Variants in DPPA3 observed in about 807,000 individuals in gnomAD.
The protein encoded by DPPA3 is developmental pluripotency-associated protein 3.
DPPA3 carries 9 observed loss-of-function variants against 15.6 expected under a neutral mutation model. That is an observed-to-expected ratio of 0.58 (90% CI 0.35 to 1.01). The LOEUF (loss-of-function observed/expected upper bound fraction) is 1.01. Among genes scored for constraint, DPPA3 ranks in the 50% least tolerant of loss-of-function variants. The probability of loss-of-function intolerance (pLI) is 0.02; values close to 1 mark genes in which losing one functional copy is unlikely to be tolerated. For missense variants in DPPA3, 148 were observed against 194.6 expected, an observed-to-expected ratio of 0.76 and a Z score of 1.42; for synonymous variants, 61 against 70.9, an observed-to-expected ratio of 0.86 and a Z score of 0.70.
intron 1 of DPPA3, 68 bp downstream of exon 1, chr12:7,711,720 CTTTT>C (rs3069565): frequency 0.019 from 6,578 of 338,550 alleles, 43 homozygotes; most frequent in South Asian, 0.055. Context: ...AGGCTGCCGT[CTTTT>C]TTTTTTTTTT....
chr12:7,716,096 C>T, intron 2 of DPPA3, 102 bp from the exon 3 acceptor site: 2 of 1,035,988 alleles, frequency 1.9e-6, no homozygotes, highest in Non-Finnish European at 2.8e-6. Context: ...GAGAAAGACC[C>T]TGTCTCAACA....
At chr12:7,714,054 C>T (rs1864372328) in intron 1 of DPPA3, among the ~76,000 whole-genome samples, 1 of 145,820 alleles carries the variant, frequency 6.9e-6, no homozygotes, top group Admixed American at 6.8e-5. Context: ...CGGTGAAACC[C>T]CTTCTCTACT....
intron 1 of DPPA3, 32 bp downstream of exon 1, chr12:7,711,684 G>T: frequency 7.3e-7 from 1 of 1,363,988 alleles, no homozygotes; most frequent in South Asian, 1.2e-5. Flanking sequence ...TTGACTATCT[G>T]ACTATAGGGG....
intron 1 of DPPA3, among the ~76,000 whole-genome samples, chr12:7,713,860 C>T (rs1266265861): frequency 6.6e-6 from 1 of 152,198 alleles, no homozygotes; most frequent in Non-Finnish European, 1.5e-5. Context: ...GTGAACAAAG[C>T]TAGCTCAGGG....
At chr12:7,716,832 T>C in intron 3 of DPPA3, 135 bp from the exon 4 acceptor site, 2 of 787,764 alleles carry the variant, frequency 2.5e-6, no homozygotes, top group Non-Finnish European at 4.2e-6. Context: ...TGTTTTGCTT[T>C]TGGCCCGTGT....
Position 7,712,012 on chromosome 12 carries a change from T to C in DPPA3, c.82+360T>C, listed in dbSNP as rs1864351474. 2.0e-5 allele frequency among the ~76,000 whole-genome samples: 3 copies of C among 146,366 alleles called. No homozygotes were observed. In the South Asian group the frequency reaches 6.6e-4, roughly 32 times the overall value. ...CTCACTCCAAGTTCCGCCTCCTGGG[T>C]TCACGCCATTCTCCTGCCTCAGCCT... is the stretch of plus-strand genomic sequence containing the variant. On this transcript the variant is annotated intron_variant, in intron 1 of 3. Transcript: ENST00000345088.
chr12:7,711,720 C>CTTTTT lies in DPPA3; in HGVS notation c.82+93_82+97dup, dbSNP rs3069565. On this transcript the variant is annotated intron_variant, in intron 1 of 3. Transcript: ENST00000345088. ...GGTTGGGAGGTCAAAAGGCTGCCGT[C>CTTTTT]TTTTTTTTTTTTTTTTTTTTTTTTT... is the stretch of plus-strand genomic sequence containing the variant. 7.0e-5 allele frequency: 24 copies of CTTTTT among 340,694 alleles called. 1 individual carries two copies. Among genetic ancestry groups the CTTTTT allele is most frequent in the African/African-American group, 7.0e-4 (16 of 22,830 alleles). 21.1% of individuals were successfully genotyped at this position (340,694 alleles called of 1,614,324 possible).
chr12:7,714,090 C>T lies in DPPA3; in HGVS notation c.83-1093C>T, dbSNP rs184996894. The stretch of plus-strand genomic sequence containing the variant: ...AAAAAATAGAAAAAAATTAGCCGGG[C>T]ATGGTGGTGGGCGCCTGTAGTCCCA... On this transcript the variant is annotated intron_variant, in intron 1 of 3. Transcript: ENST00000345088. Among the ~76,000 whole-genome samples the T allele has an allele frequency of 7.2e-5, 11 of 151,790 alleles. No homozygotes were observed. In the East Asian group the frequency reaches 2.1e-3, roughly 30 times the overall value.
rs964631129 is a variant in DPPA3 at position 7,717,415 on chromosome 12, G to A, written c.*338G>A. 6.2e-5 allele frequency: 12 copies of A among 194,794 alleles called. No individual in the cohort carries two copies. Among genetic ancestry groups the A allele is most frequent in the Admixed American group, 5.2e-4 (9 of 17,266 alleles). The allele number at this position is 194,794 out of a possible 1,614,324, so 12.1% of individuals were successfully genotyped here. On this transcript the variant is annotated 3_prime_UTR_variant, in exon 4 of 4. Coordinates refer to ENST00000345088, the MANE Select transcript of DPPA3 (RefSeq NM_199286.4). ...TTACTTATGGATAAAGAAAGCATTA[G>A]GTAGTTGGGCTATAGCATAATTAGA...
intron 2 of DPPA3, among the ~76,000 whole-genome samples, chr12:7,715,750 T>A (rs2136893798): frequency 6.6e-6 from 1 of 152,134 alleles, no homozygotes; most frequent in South Asian, 2.1e-4. Flanking sequence ...TGTGCCGAGA[T>A]TGTGCCATTG....
At chr12:7,716,376 G>A (rs1415767624) in intron 3 of DPPA3, 137 bp downstream of exon 3, 7 of 642,590 alleles carry the variant, frequency 1.1e-5, no homozygotes. Flanking sequence ...CAGGGACTCT[G>A]GATAAGTCAG....
At chr12:7,716,495 C>A (rs74609065) in intron 3 of DPPA3, among the ~76,000 whole-genome samples, 16 of 152,114 alleles carry the variant, frequency 1.1e-4, no homozygotes, top group Non-Finnish European at 1.9e-4. Flanking sequence ...CTACTGTCAA[C>A]GTCACACACC....
At chr12:7,715,660 G>T (rs1481336679) in intron 2 of DPPA3, among the ~76,000 whole-genome samples, 1 of 152,076 alleles carries the variant, frequency 6.6e-6, no homozygotes, top group Non-Finnish European at 1.5e-5. Flanking sequence ...AGCTGGGCCT[G>T]GTGGTGGGCA....
chr12:7,715,641 C>T (rs1362659225), intron 2 of DPPA3, among the ~76,000 whole-genome samples: 1 of 151,944 alleles, frequency 6.6e-6, no homozygotes, highest in Non-Finnish European at 1.5e-5. Context: ...ACTAAAAATA[C>T]AAAAAGTTAG....
chr12:7,714,147 G>T (rs953936267), intron 1 of DPPA3, among the ~76,000 whole-genome samples: 1 of 150,928 alleles, frequency 6.6e-6, no homozygotes, highest in African/African-American at 2.4e-5. Context: ...GGAGAATGGC[G>T]TGAACCCGGG....
chr12:7,712,010 G>C lies in DPPA3; in HGVS notation c.82+358G>C, dbSNP rs532425228. Among the ~76,000 whole-genome samples, 11 of 147,930 alleles carry C rather than the reference G, an allele frequency of 7.4e-5. No individual in the cohort carries two copies. The South Asian group carries it at 2.4e-3, about 32-fold the overall frequency. On this transcript the variant is annotated intron_variant, in intron 1 of 3. Transcript: ENST00000345088. ...GGCTCACTCCAAGTTCCGCCTCCTG[G>C]GTTCACGCCATTCTCCTGCCTCAGC...
intron 1 of DPPA3, 62 bp downstream of exon 1, chr12:7,711,714 TGCCG>T: frequency 1.6e-6 from 1 of 633,870 alleles, no homozygotes; most frequent in African/African-American, 2.2e-5. Context: ...GTCAAAAGGC[TGCCG>T]TCTTTTTTTT....
chr12:7,714,776 G>C (rs145257462), intron 1 of DPPA3, among the ~76,000 whole-genome samples: 1 of 151,772 alleles, frequency 6.6e-6, no homozygotes, highest in Non-Finnish European at 1.5e-5. Context: ...GCAGTGGCGC[G>C]ATCTCGGCTC....
At chr12:7,716,268 C>A (rs750962852) in intron 3 of DPPA3, 29 bp downstream of exon 3, 4 of 1,415,834 alleles carry the variant, frequency 2.8e-6, no homozygotes, top group Admixed American at 5.4e-5. Context: ...TTTTTATTTT[C>A]CTTTTTTTTT....
Sources: gnomAD v4.1 joint callset for allele counts (sites outside exome capture counted in the v4.1 genomes callset) on GRCh38, gnomAD v4.1.1 for gene constraint, MANE v1.5 for transcripts, NCBI Gene and HGNC (gene_info 2026-07-23, HGNC 2026-07-21) for gene names.